Variants in STPG1 observed in about 807,000 individuals in gnomAD.
STPG1 encodes sperm tail PG-rich repeat containing 1.
STPG1 carries 33 observed loss-of-function variants against 40.1 expected under a neutral mutation model. That is an observed-to-expected ratio of 0.82 (90% CI 0.62 to 1.10). The LOEUF is 1.10. Among genes scored for constraint, STPG1 ranks in the 50% least tolerant of loss-of-function variants. The pLI is 0.00. For synonymous variants in STPG1, 150 were observed against 155.0 expected (o/e 0.97, Z 0.24); for missense variants, 396 against 415.1 (o/e 0.95, Z 0.40).
chr1:24,369,282 C>A, intron 7 of STPG1: 1 of 455,646 alleles, frequency 2.2e-6, no homozygotes, highest in Admixed American at 2.7e-5. Flanking sequence ...ATGTCAGCAC[C>A]AGGGGAATCC....
At chr1:24,391,500 C>G in intron 3 of STPG1, 61 bp downstream of exon 3, 2 of 1,065,590 alleles carry the variant, frequency 1.9e-6, no homozygotes, top group Non-Finnish European at 2.8e-6. Context: ...ACAGAACGTG[C>G]CTGTCCCGCA....
At chr1:24,389,385 G>A (rs1250782469) in intron 3 of STPG1, among the ~76,000 whole-genome samples, 1 of 152,092 alleles carries the variant, frequency 6.6e-6, no homozygotes, top group Admixed American at 6.5e-5. Context: ...AGCTTTGCGG[G>A]CCACAAAGGC....
intron 5 of STPG1, among the ~76,000 whole-genome samples, chr1:24,377,857 G>A (rs933021069): frequency 6.6e-6 from 1 of 152,276 alleles, no homozygotes; most frequent in Non-Finnish European, 1.5e-5. Context: ...TTCAAGCTGG[G>A]TAACTGTGCA....
intron 7 of STPG1, among the ~76,000 whole-genome samples, chr1:24,365,337 A>C (rs1363944815): frequency 6.6e-6 from 1 of 152,170 alleles, no homozygotes. Context: ...CTTGCTGGGG[A>C]GCATGAGTTG....
At chr1:24,369,907 C>T (rs934857117) in intron 6 of STPG1, 68 bp from the exon 7 acceptor site, 41 of 1,382,188 alleles carry the variant, frequency 3.0e-5, no homozygotes, top group Non-Finnish European at 3.8e-5. Context: ...CAGTACCTTA[C>T]CCCTAAGAAC....
intron 1 of STPG1, among the ~76,000 whole-genome samples, chr1:24,402,888 G>A (rs1346144267): frequency 2.6e-5 from 4 of 151,808 alleles, no homozygotes; most frequent in Non-Finnish European, 4.4e-5. Flanking sequence ...GAAAATATTT[G>A]CTCCCCGGCT....
intron 3 of STPG1, among the ~76,000 whole-genome samples, chr1:24,385,468 T>C (rs927421799): frequency 1.3e-5 from 2 of 152,170 alleles, no homozygotes; most frequent in Non-Finnish European, 1.5e-5. Flanking sequence ...TGGATGCAGA[T>C]GCGAAGGGCT....
At chr1:24,395,880 G>A (rs1570078374) in intron 2 of STPG1, among the ~76,000 whole-genome samples, 1 of 152,024 alleles carries the variant, frequency 6.6e-6, no homozygotes, top group African/African-American at 2.4e-5. Context: ...CTATTCAGGA[G>A]GCTGAATCAG....
At chr1:24,397,023 T>C (rs1278654114) in intron 2 of STPG1, among the ~76,000 whole-genome samples, 2 of 152,084 alleles carry the variant, frequency 1.3e-5, no homozygotes, top group African/African-American at 2.4e-5. Flanking sequence ...AATCAAAAGA[T>C]AGTTAGATAT....
At chr1:24,402,591 A>G (rs1643266891) in intron 1 of STPG1, among the ~76,000 whole-genome samples, 1 of 151,932 alleles carries the variant, frequency 6.6e-6, no homozygotes, top group South Asian at 2.1e-4. Flanking sequence ...GTGAGACCCC[A>G]TCTCTACGAA....
At chr1:24,406,269 A>G (rs1643412301) in intron 1 of STPG1, among the ~76,000 whole-genome samples, 4 of 152,146 alleles carry the variant, frequency 2.6e-5, no homozygotes, top group Admixed American at 2.6e-4. Flanking sequence ...CAGTCAAACA[A>G]TAGTATGTTA....
intron 7 of STPG1, among the ~76,000 whole-genome samples, chr1:24,362,156 T>C (rs1641164744): frequency 6.6e-6 from 1 of 152,220 alleles, no homozygotes. Context: ...AGGAGGGGAC[T>C]TGGGATTCCT....
At chr1:24,406,960 C>T (rs1056213359) in intron 1 of STPG1, among the ~76,000 whole-genome samples, 2 of 152,154 alleles carry the variant, frequency 1.3e-5, no homozygotes, top group East Asian at 1.9e-4. Context: ...CACCACTATC[C>T]GTCTCTGTAA....
At chr1:24,395,428 AT>A (rs71577706) in intron 2 of STPG1, among the ~76,000 whole-genome samples, 3,172 of 128,016 alleles carry the variant, frequency 0.025, 70 homozygotes, top group African/African-American at 0.057. Context: ...AAATTGAACA[AT>A]TTTTTTTTTT....
intron 1 of STPG1, among the ~76,000 whole-genome samples, chr1:24,404,560 G>A (rs553739681): frequency 2.0e-5 from 3 of 152,240 alleles, no homozygotes; most frequent in African/African-American, 7.2e-5. Flanking sequence ...TTTTCTTTGC[G>A]GGAAGATTTT....
intron 4 of STPG1, among the ~76,000 whole-genome samples, chr1:24,383,372 G>T (rs552533628): frequency 6.6e-6 from 1 of 152,186 alleles, no homozygotes; most frequent in Admixed American, 6.5e-5. Context: ...TCTGGTCAGG[G>T]TCATTGGCAA....
intron 6 of STPG1, among the ~76,000 whole-genome samples, chr1:24,372,569 CT>C (rs1012098189): frequency 1.3e-5 from 2 of 152,208 alleles, no homozygotes; most frequent in African/African-American, 2.4e-5. Context: ...GGGATGCTGG[CT>C]TTGTTCTTCT....
At chr1:24,403,344 C>T (rs1643297722) in intron 1 of STPG1, among the ~76,000 whole-genome samples, 1 of 152,076 alleles carries the variant, frequency 6.6e-6, no homozygotes, top group Non-Finnish European at 1.5e-5. Flanking sequence ...TGTGTATATC[C>T]TTATACCAAC....
At chr1:24,398,426 G>C (rs917763737) in intron 2 of STPG1, among the ~76,000 whole-genome samples, 28 of 152,078 alleles carry the variant, frequency 1.8e-4, no homozygotes, top group African/African-American at 6.3e-4. Flanking sequence ...CTTGAGACAG[G>C]GAGTGAAACT....
Sources: allele counts gnomAD v4.1 joint callset (sites outside exome capture counted in the v4.1 genomes callset), GRCh38; gene constraint gnomAD v4.1.1; transcripts MANE v1.5; gene names NCBI Gene and HGNC (gene_info 2026-07-23, HGNC 2026-07-21).